The following RSRP1 variants were observed in gnomAD, a reference collection of about 807,000 sequenced individuals.
RSRP1 encodes the protein arginine/serine-rich protein 1.
Under a neutral mutation model 33.0 loss-of-function variants are expected in RSRP1, and 37 were observed. The ratio of observed to expected loss-of-function variants is 1.12; its 90% CI spans 0.86 to 1.48. The LOEUF is 1.48. Among genes scored for constraint, RSRP1 ranks in the 40% most tolerant of loss-of-function variants. The pLI is 0.00. For synonymous variants in RSRP1, 167 were observed against 158.7 expected (o/e 1.05, Z -0.40); for missense variants, 402 against 385.3 (o/e 1.04, Z -0.36).
At chr1:25,250,530 T>C (rs1639744195), upstream of RSRP1, among the ~76,000 whole-genome samples, 1 of 152,220 alleles carries the variant, frequency 6.6e-6, no homozygotes, top group South Asian at 2.1e-4. Flanking sequence ...CTCCCAAACA[T>C]GTCCATTCCC....
chr1:25,243,806 T>C (rs1174155480), intron 3 of RSRP1, 173 bp from the exon 4 acceptor site: 1 of 1,362,180 alleles, frequency 7.3e-7, no homozygotes, highest in Non-Finnish European at 9.5e-7. Flanking sequence ...AAAACTGATT[T>C]AATATTAGGC....
rs1401897118 is a variant in RSRP1, at chr1:25,290,115, T to C, written c.-66-43086A>G. Reference sequence around the variant, plus strand: ...GCCACTCCAGTGGCAAGGCTGGGACTGGAAGCCGGGCTTGTCCTGATTCCA... The same window carrying C: ...GCCACTCCAGTGGCAAGGCTGGGACCGGAAGCCGGGCTTGTCCTGATTCCA... On this transcript the variant is annotated intron_variant, in intron 1 of 1. Transcript: ENST00000561867. Among the ~76,000 whole-genome samples the C allele has an allele frequency of 1.6e-5, 2 of 127,740 alleles. 1 individual carries two copies. Among genetic ancestry groups the C allele is most frequent in the Non-Finnish European group, 3.7e-5 (2 of 54,502 alleles). 83.8% of individuals were successfully genotyped at this position (127,740 alleles called of 152,430 possible). A position where few individuals can be genotyped will look rare whatever the true frequency, so the allele number is the denominator to read the frequency against.
chr1:25,289,194 G>T (rs28394582), intron 1 of RSRP1, among the ~76,000 whole-genome samples: 12,848 of 131,818 alleles, frequency 0.097, 3,250 homozygotes, highest in African/African-American at 0.31. Flanking sequence ...TACAGAGAGT[G>T]AATTTTTTTT....
At chr1:25,307,161 C>T (rs1643894565) in intron 1 of RSRP1, among the ~76,000 whole-genome samples, 1 of 132,514 alleles carries the variant, frequency 7.5e-6, no homozygotes, top group Non-Finnish European at 1.8e-5. Context: ...TATCTCCCCT[C>T]ACAGGACTGT....
At chr1:25,319,648 A>C (rs1285054954) in intron 1 of RSRP1, among the ~76,000 whole-genome samples, 2 of 132,310 alleles carry the variant, frequency 1.5e-5, no homozygotes, top group East Asian at 3.9e-4. Context: ...GGAAGGGGGA[A>C]AAAGTTCCTC....
At chr1:25,246,161 T>C in intron 2 of RSRP1, 1 of 421,022 alleles carries the variant, frequency 2.4e-6, no homozygotes, top group East Asian at 3.6e-5. Context: ...CTTAGAACCT[T>C]TAACTTAATC....
At chr1:25,284,897 A>G in intron 1 of RSRP1, 1 of 1,064,404 alleles carries the variant, frequency 9.4e-7, no homozygotes. Flanking sequence ...TCCTTATACT[A>G]AAAGATTATT....
Position 25,314,132 on chromosome 1 carries a change from TCA to T in RSRP1, c.-67+23844_-67+23845del, listed in dbSNP as rs1371714631. Among the ~76,000 whole-genome samples, 4 of 133,018 alleles carry T rather than the reference TCA, an allele frequency of 3.0e-5. 1 individual carries two copies. The highest frequency in any genetic ancestry group is 7.1e-5 in the Non-Finnish European group (4 of 56,096). The allele number at this position is 133,018 out of a possible 152,430, so 87.3% of individuals were successfully genotyped here. A position where few individuals can be genotyped will look rare whatever the true frequency, so the allele number is the denominator to read the frequency against. ...GTGAAATTGTTGAATTATACAGTAT[TCA>T]CACAGTCAGCTTTAGTGGCTACTGC... On this transcript the variant is annotated intron_variant, in intron 1 of 1. Coordinates refer to the RSRP1 transcript ENST00000561867.
intron 1 of RSRP1, among the ~76,000 whole-genome samples, chr1:25,300,433 G>T (rs1643295027): frequency 7.8e-6 from 1 of 128,186 alleles, no homozygotes; most frequent in South Asian, 2.4e-4. Context: ...GATTGCTTGA[G>T]CCTGGGAGTT....
rs1225479301 is a variant in RSRP1, at chr1:25,286,797, A to C, written c.-66-39768T>G. ...CGAGACTCCGTCTCAAAAAAAAAAA[A>C]CAAAAACAGTTTTAGGCCAGGCGCG... On this transcript the variant is annotated intron_variant, in intron 1 of 1. Coordinates refer to the RSRP1 transcript ENST00000561867. Among the ~76,000 whole-genome samples, 5 of 131,186 alleles carry C rather than the reference A, an allele frequency of 3.8e-5. 1 individual carries two copies. The highest frequency in any genetic ancestry group is 1.4e-4 in the African/African-American group (5 of 36,432). The allele number at this position is 131,186 out of a possible 152,430, so 86.1% of individuals were successfully genotyped here.
intron 1 of RSRP1, among the ~76,000 whole-genome samples, chr1:25,261,668 T>C (rs1640157457): frequency 6.6e-6 from 1 of 150,814 alleles, no homozygotes; most frequent in Admixed American, 6.6e-5. Context: ...CCTCCCAAAG[T>C]GCTGGGATTA....
At chr1:25,300,100 T>C (rs1338956892) in intron 1 of RSRP1, among the ~76,000 whole-genome samples, 2 of 131,486 alleles carry the variant, frequency 1.5e-5, no homozygotes, top group African/African-American at 5.2e-5. Flanking sequence ...TTGCTTCATG[T>C]TGCAAAATTT....
chr1:25,248,098 G>A (rs1481750385), upstream of RSRP1: 3 of 152,248 alleles, frequency 2.0e-5, no homozygotes, highest in South Asian at 2.1e-4. Context: ...CAGTATTAAC[G>A]TAGAAAAGAT....
rs1645080437 is a variant in RSRP1, at chr1:25,336,636, G to T, written c.-67+1342C>A. Among the ~76,000 whole-genome samples the T allele has an allele frequency of 2.0e-5, 3 of 149,912 alleles. No homozygotes were observed. In the South Asian group the frequency reaches 6.2e-4, roughly 31 times the overall value. Reference sequence around the variant, plus strand: ...AGGGGCAAAAAACGCAAAGAGAAAGGAGTTAGTATCTTTTCTCCCGCACTC... The same window carrying T: ...AGGGGCAAAAAACGCAAAGAGAAAGTAGTTAGTATCTTTTCTCCCGCACTC... On this transcript the variant is annotated intron_variant, in intron 1 of 1. Transcript: ENST00000561867.
chr1:25,298,614 C>T (rs1037086232), intron 1 of RSRP1, among the ~76,000 whole-genome samples: 7 of 131,732 alleles, frequency 5.3e-5, no homozygotes, highest in African/African-American at 1.8e-4. Flanking sequence ...CTTTTCAGTT[C>T]TTATCAGGAA....
chr1:25,315,851 T>C (rs1571733508), intron 1 of RSRP1, among the ~76,000 whole-genome samples: 1 of 131,144 alleles, frequency 7.6e-6, no homozygotes, highest in Non-Finnish European at 1.8e-5. Context: ...CACTCTCCTA[T>C]GATCTTATGA....
chr1:25,274,880 G>A lies in RSRP1; in HGVS notation c.-66-27851C>T, dbSNP rs1292530835. 8.4e-5 allele frequency among the ~76,000 whole-genome samples: 11 copies of A among 131,458 alleles called. 1 individual carries two copies. Among genetic ancestry groups the A allele is most frequent in the African/African-American group, 2.3e-4 (9 of 38,584 alleles). The allele number at this position is 131,458 out of a possible 152,430, so 86.2% of individuals were successfully genotyped here. On this transcript the variant is annotated intron_variant, in intron 1 of 1. Coordinates refer to the RSRP1 transcript ENST00000561867. ...AAACTGGCTGGGTGTGGTGGCACACGTCTATAATCCGAGCTACTTGGGAGG... is the reference window on the plus strand; with the variant it reads ...AAACTGGCTGGGTGTGGTGGCACACATCTATAATCCGAGCTACTTGGGAGG...
chr1:25,286,072 G>T (rs1404784904), intron 1 of RSRP1, among the ~76,000 whole-genome samples: 1 of 135,562 alleles, frequency 7.4e-6, no homozygotes, highest in African/African-American at 2.5e-5. Context: ...AAGTGGTGGA[G>T]ATGGCTCCAA....
intron 3 of RSRP1, chr1:25,244,189 G>A (rs1346551086): frequency 4.7e-6 from 6 of 1,288,872 alleles, no homozygotes; most frequent in Non-Finnish European, 6.1e-6. Flanking sequence ...ATCTGCAAGT[G>A]AAGCAGGCCT....
Sources: gnomAD v4.1 joint callset for allele counts (sites outside exome capture counted in the v4.1 genomes callset) on GRCh38, gnomAD v4.1.1 for gene constraint, MANE v1.5 for transcripts, NCBI Gene and HGNC (gene_info 2026-07-23, HGNC 2026-07-21) for gene names.